PRSS41: variants seen among roughly 807,000 people sequenced by gnomAD.
The protein encoded by PRSS41 is protease, serine 41.
A neutral mutation model predicts 28.8 loss-of-function variants in PRSS41; 37 were observed. That is an observed-to-expected ratio of 1.29 (90% CI 0.99 to 1.69). The LOEUF is 1.69. PRSS41 is among the 40% of genes most tolerant of loss of function. The probability of loss-of-function intolerance (pLI) is 0.00; values close to 1 mark genes in which losing one functional copy is unlikely to be tolerated. For synonymous variants in PRSS41, 195 were observed against 163.1 expected, an observed-to-expected ratio of 1.20 and a Z score of -1.49; for missense variants, 431 against 400.7, an observed-to-expected ratio of 1.08 and a Z score of -0.65.
At chr16:2,804,478 A>G in exon 5 of PRSS41, 1 of 1,551,636 alleles carries the variant, frequency 6.4e-7, no homozygotes, top group Non-Finnish European at 8.7e-7. Context: ...ACAGCCCTCT[A>G]GCCGTAGTAT....
chr16:2,803,479 T>C (rs957795054), intron 4 of PRSS41, among the ~76,000 whole-genome samples: 1 of 152,244 alleles, frequency 6.6e-6, no homozygotes, highest in African/African-American at 2.4e-5. Flanking sequence ...TATGTTGTTA[T>C]TGTCACAATT....
intron 4 of PRSS41, among the ~76,000 whole-genome samples, chr16:2,802,687 C>G (rs1404795220): frequency 6.6e-6 from 1 of 152,216 alleles, no homozygotes; most frequent in Non-Finnish European, 1.5e-5. Context: ...GGAGACCGGC[C>G]CGGCCAACAC....
chr16:2,801,383 C>T (rs955513598), intron 4 of PRSS41, among the ~76,000 whole-genome samples: 2 of 145,416 alleles, frequency 1.4e-5, no homozygotes, highest in Non-Finnish European at 1.5e-5. Context: ...GGGTGTTTCT[C>T]ACAGAGGGGG....
intron 4 of PRSS41, among the ~76,000 whole-genome samples, chr16:2,802,025 C>G (rs555894169): frequency 6.9e-6 from 1 of 145,550 alleles, no homozygotes; most frequent in South Asian, 2.1e-4. Flanking sequence ...GGGGCTGACC[C>G]CCCCCACCTC....
At chr16:2,802,917 G>C (rs1032106961) in intron 4 of PRSS41, among the ~76,000 whole-genome samples, 2 of 152,164 alleles carry the variant, frequency 1.3e-5, no homozygotes, top group African/African-American at 4.8e-5. Flanking sequence ...CTTATAACAA[G>C]TTTGTATTAA....
chr16:2,799,392 A>G (rs1395887832), exon 4 of PRSS41: 1 of 1,551,954 alleles, frequency 6.4e-7, no homozygotes, highest in African/African-American at 1.4e-5. Context: ...GCAGGACATC[A>G]TTGTGAACCC....
chr16:2,804,947 G>A, exon 6 of PRSS41: 1 of 1,589,578 alleles, frequency 6.3e-7, no homozygotes, highest in South Asian at 1.1e-5. Flanking sequence ...CTGTGACAAG[G>A]ATGGACTGTG....
At chr16:2,799,216 G>T in intron 3 of PRSS41, 70 bp from the exon 4 acceptor site, 1 of 1,522,904 alleles carries the variant, frequency 6.6e-7, no homozygotes, top group Admixed American at 2.0e-5. Flanking sequence ...CTCAGGGACT[G>T]GGCCTCCAGC....
Position 2,804,678 on chromosome 16 carries a change from T to C in PRSS41, c.699+132T>C, listed in dbSNP as rs1481389561. ...AGGAGAAAACCAGTGCAGTCTCAGT[T>C]ACTGAGCCTACAAAATATGCTTCTC... On this transcript the variant is annotated intron_variant, in intron 5 of 5. Coordinates refer to ENST00000399677, the Ensembl canonical transcript of PRSS41. 36 of 942,486 alleles carry C rather than the reference T, an allele frequency of 3.8e-5. No homozygotes were observed. In the Admixed American group the frequency reaches 8.8e-4, roughly 23 times the overall value. 58.4% of individuals were successfully genotyped at this position (942,486 alleles called of 1,614,324 possible).
intron 4 of PRSS41, 132 bp downstream of exon 4, chr16:2,799,701 T>G: frequency 1.1e-6 from 1 of 917,948 alleles, no homozygotes; most frequent in Non-Finnish European, 1.6e-6. Flanking sequence ...CCTCCTGCTC[T>G]CATTCTCTCC....
At chr16:2,800,542 C>CAAA (rs56393015) in intron 4 of PRSS41, among the ~76,000 whole-genome samples, 61 of 81,942 alleles carry the variant, frequency 7.4e-4, no homozygotes, top group African/African-American at 2.5e-3. Flanking sequence ...GACTCCATCT[C>CAAA]AAAAAAAAAA....
At chr16:2,799,216 G>C in intron 3 of PRSS41, 70 bp from the exon 4 acceptor site, 1 of 1,522,904 alleles carries the variant, frequency 6.6e-7, no homozygotes, top group Admixed American at 2.0e-5. Flanking sequence ...CTCAGGGACT[G>C]GGCCTCCAGC....
chr16:2,799,687 C>G (rs933312396), intron 4 of PRSS41, 118 bp downstream of exon 4: 2 of 1,038,582 alleles, frequency 1.9e-6, no homozygotes, highest in Admixed American at 2.2e-5. Context: ...CTGCAACCTG[C>G]GCCCCTCCTG....
intron 4 of PRSS41, 85 bp downstream of exon 4, chr16:2,799,654 G>T (rs895132846): frequency 7.9e-6 from 11 of 1,400,174 alleles, no homozygotes; most frequent in Non-Finnish European, 1.1e-5. Context: ...CACAAGCACA[G>T]CAGCCCCCTC....
chr16:2,803,815 T>A (rs1435878231), intron 4 of PRSS41, among the ~76,000 whole-genome samples: 1 of 152,242 alleles, frequency 6.6e-6, no homozygotes. Context: ...ATAAAATTCT[T>A]GGTTGACTGT....
chr16:2,802,321 G>C (rs1384393403), intron 4 of PRSS41, among the ~76,000 whole-genome samples: 1 of 150,712 alleles, frequency 6.6e-6, no homozygotes, highest in Admixed American at 6.7e-5. Flanking sequence ...TCCTAGATGT[G>C]ATGGCGGCCA....
chr16:2,803,644 C>T (rs2069003317), intron 4 of PRSS41, among the ~76,000 whole-genome samples: 1 of 152,132 alleles, frequency 6.6e-6, no homozygotes, highest in Non-Finnish European at 1.5e-5. Flanking sequence ...TTGACCAGGG[C>T]TCTTTGTTTG....
chr16:2,802,269 A>G (rs1377225562), intron 4 of PRSS41, among the ~76,000 whole-genome samples: 4 of 142,732 alleles, frequency 2.8e-5, no homozygotes, highest in Admixed American at 7.0e-5. Context: ...GGCGCTCCCC[A>G]CATCTCAGAC....
rs1456100955 is a variant in PRSS41 at position 2,798,557 on chromosome 16, G to C, written c.64+9G>C. The C allele has an allele frequency of 1.1e-5, 17 of 1,533,362 alleles. No individual in the cohort carries two copies. The highest frequency in any genetic ancestry group is 1.3e-5 in the Non-Finnish European group (15 of 1,141,492). The allele number at this position is 1,533,362 out of a possible 1,614,324, so 95.0% of individuals were successfully genotyped here. A position where few individuals can be genotyped will look rare whatever the true frequency, so the allele number is the denominator to read the frequency against. On this transcript the variant is annotated intron_variant, in intron 1 of 5. Transcript: ENST00000399677. ...TGGACTCGGGAAGCCGGGTGAGCTC[G>C]GGGCGCTACAGGCGGGACCGGGGGC...
Sources: gnomAD v4.1 joint callset for allele counts (sites outside exome capture counted in the v4.1 genomes callset) on GRCh38, gnomAD v4.1.1 for gene constraint, MANE v1.5 for transcripts, NCBI Gene and HGNC (gene_info 2026-07-23, HGNC 2026-07-21) for gene names.